The following MSR1 variants were observed in gnomAD, a reference collection of about 807,000 sequenced individuals.
The protein encoded by MSR1 is macrophage scavenger receptor 1.
Under a neutral mutation model 47.2 loss-of-function variants are expected in MSR1, and 53 were observed. The observed-to-expected ratio is 1.12, with a 90% CI of 0.90 to 1.41. The LOEUF is 1.41. MSR1 is among the 40% of genes most tolerant of loss of function. MSR1 has a pLI of 0.00. For missense variants in MSR1, 786 were observed against 546.9 expected (o/e 1.44, Z -4.36); for synonymous variants, 239 against 185.6 (o/e 1.29, Z -2.34).
intron 8 of MSR1, among the ~76,000 whole-genome samples, chr8:16,131,342 CTTG>C (rs545161663): frequency 8.5e-4 from 127 of 150,064 alleles, no homozygotes; most frequent in Admixed American, 4.3e-3. Flanking sequence ...TTATTTTTTG[CTTG>C]TTAAGTTCCT....
chr8:16,143,509 C>A (rs750094396), intron 8 of MSR1, 49 bp downstream of exon 8: 2 of 1,534,024 alleles, frequency 1.3e-6, no homozygotes, highest in Non-Finnish European at 1.8e-6. Context: ...GTATCACAGA[C>A]TTACTTATTA....
intron 8 of MSR1, among the ~76,000 whole-genome samples, chr8:16,121,435 A>G (rs1800003870): frequency 6.6e-6 from 1 of 151,876 alleles, no homozygotes; most frequent in Non-Finnish European, 1.5e-5. Context: ...TTCTATTTTT[A>G]AAAACCAATA....
chr8:16,114,433 C>T (rs1244435417), intron 9 of MSR1, among the ~76,000 whole-genome samples: 1 of 152,154 alleles, frequency 6.6e-6, no homozygotes, highest in Non-Finnish European at 1.5e-5. Flanking sequence ...TTACTTCCCT[C>T]ATCAGCATCC....
At position 16,192,603 on chromosome 8, in the gene MSR1, G is replaced by A. The variant is rs927522604; in HGVS notation, c.-10C>T. On this transcript the variant is annotated 5_prime_UTR_variant, in exon 1 of 10. The change creates a new upstream start codon in the 5' untranslated region. Transcript: ENST00000262101. ...AAGCCTTTTTTTTTCTTTACCTTTC[G>A]TCCTAAAGAAAGCAGCACTGATTTA... The A allele has an allele frequency of 2.0e-5, 3 of 150,848 alleles. No homozygotes were observed. Among genetic ancestry groups the A allele is most frequent in the Admixed American group, 1.3e-4 (2 of 15,092 alleles). 9.3% of individuals were successfully genotyped at this position (150,848 alleles called of 1,614,324 possible). A position where few individuals can be genotyped will look rare whatever the true frequency, so the allele number is the denominator to read the frequency against.
At chr8:16,175,577 T>G (rs1386743818) in intron 2 of MSR1, among the ~76,000 whole-genome samples, 1 of 152,224 alleles carries the variant, frequency 6.6e-6, no homozygotes, top group Non-Finnish European at 1.5e-5. Context: ...TCTTTTGGAA[T>G]CAGCTGGTAA....
chr8:16,148,653 G>C (rs1345414599), intron 7 of MSR1, among the ~76,000 whole-genome samples: 1 of 152,064 alleles, frequency 6.6e-6, no homozygotes, highest in East Asian at 1.9e-4. Context: ...AGGTTGGCCA[G>C]GCTGGTCTTG....
intron 7 of MSR1, among the ~76,000 whole-genome samples, chr8:16,145,377 G>A (rs1361154755): frequency 6.6e-6 from 1 of 151,942 alleles, no homozygotes; most frequent in Admixed American, 6.6e-5. Flanking sequence ...TAAAAATTAG[G>A]GAAGGGAGGA....
At chr8:16,127,744 C>G (rs2117077296) in intron 8 of MSR1, among the ~76,000 whole-genome samples, 1 of 152,266 alleles carries the variant, frequency 6.6e-6, no homozygotes, top group South Asian at 2.1e-4. Context: ...ACACCTGGAT[C>G]CTGCTATGCC....
At chr8:16,162,693 C>G (rs574535884) in intron 5 of MSR1, among the ~76,000 whole-genome samples, 2 of 152,062 alleles carry the variant, frequency 1.3e-5, no homozygotes, top group Admixed American at 1.3e-4. Flanking sequence ...GTGTTTATAA[C>G]GTATGCTGAA....
intron 6 of MSR1, among the ~76,000 whole-genome samples, 159 bp downstream of exon 6, chr8:16,154,903 AAC>A (rs892102305): frequency 1.3e-5 from 2 of 151,596 alleles, no homozygotes; most frequent in Admixed American, 1.3e-4. Context: ...AATCCCCCAA[AAC>A]ACACACACAT....
At chr8:16,140,499 G>A (rs1463721629) in intron 8 of MSR1, 29 of 991,484 alleles carry the variant, frequency 2.9e-5, no homozygotes, top group South Asian at 2.8e-4. Flanking sequence ...AGCATGGCGA[G>A]AAATACTACC....
chr8:16,147,519 G>A (rs1800733966), intron 7 of MSR1, among the ~76,000 whole-genome samples: 1 of 152,126 alleles, frequency 6.6e-6, no homozygotes, highest in East Asian at 1.9e-4. Flanking sequence ...TACAACTCAA[G>A]CAATGTAAAG....
intron 8 of MSR1, chr8:16,141,006 G>C: frequency 6.2e-7 from 1 of 1,613,786 alleles, no homozygotes; most frequent in Non-Finnish European, 8.5e-7. Context: ...CTGATCTTAA[G>C]AGGGCCCTGC....
intron 1 of MSR1, chr8:16,186,187 T>A (rs761780095): frequency 6.5e-7 from 1 of 1,535,444 alleles, no homozygotes; most frequent in South Asian, 1.2e-5. Context: ...GAGATACTGA[T>A]GATTGCACTG....
intron 8 of MSR1, 95 bp from the exon 9 acceptor site, chr8:16,120,701 A>G: frequency 7.1e-7 from 1 of 1,401,554 alleles, no homozygotes; most frequent in Non-Finnish European, 9.5e-7. Flanking sequence ...TAAACACAAA[A>G]AAATGTTTAG....
chr8:16,143,441 A>T, intron 8 of MSR1, 117 bp downstream of exon 8: 1 of 777,538 alleles, frequency 1.3e-6, no homozygotes, highest in Non-Finnish European at 2.2e-6. Context: ...TGGCTTCCAT[A>T]GAGTCTGTAT....
At chr8:16,174,684 C>G (rs1345888202) in intron 3 of MSR1, among the ~76,000 whole-genome samples, 3 of 152,144 alleles carry the variant, frequency 2.0e-5, no homozygotes, top group Admixed American at 1.3e-4. Flanking sequence ...AGTTGTAGGC[C>G]ATTATTCTAC....
At chr8:16,159,340 GC>G in intron 5 of MSR1, among the ~76,000 whole-genome samples, 1 of 151,630 alleles carries the variant, frequency 6.6e-6, no homozygotes, top group Admixed American at 6.6e-5. Context: ...GTTCATCTTT[GC>G]TTCTTTAAAT....
chr8:16,140,950 G>T, intron 8 of MSR1: 1 of 1,613,852 alleles, frequency 6.2e-7, no homozygotes. Flanking sequence ...CAGAGGTGAA[G>T]GGCCTTTTAA....
Sources: allele counts gnomAD v4.1 joint callset (sites outside exome capture counted in the v4.1 genomes callset), GRCh38; gene constraint gnomAD v4.1.1; transcripts MANE v1.5; gene names NCBI Gene and HGNC (gene_info 2026-07-23, HGNC 2026-07-21).